The following MTHFD1L variants were observed in gnomAD, a reference collection of about 807,000 sequenced individuals.
The protein encoded by MTHFD1L is monofunctional C1-tetrahydrofolate synthase, mitochondrial.
MTHFD1L carries 81 observed loss-of-function variants against 119.5 expected under a neutral mutation model. That is an observed-to-expected ratio of 0.68 (90% CI 0.57 to 0.82). The LOEUF is 0.82. Among genes scored for constraint, MTHFD1L ranks in the 40% least tolerant of loss-of-function variants. The pLI is 0.00. For synonymous variants in MTHFD1L, 430 were observed against 475.2 expected, an observed-to-expected ratio of 0.90 and a Z score of 1.24; for missense variants, 1,125 against 1,253.4, an observed-to-expected ratio of 0.90 and a Z score of 1.55.
chr6:150,881,460 A>G (rs886118423), intron 4 of MTHFD1L, among the ~76,000 whole-genome samples: 10 of 152,170 alleles, frequency 6.6e-5, no homozygotes, highest in African/African-American at 2.4e-4. Context: ...GTATGGTGTT[A>G]TATTGAAAAA....
chr6:150,919,679 A>G (rs7742966), intron 9 of MTHFD1L, among the ~76,000 whole-genome samples: 13,811 of 152,100 alleles, frequency 0.091, 876 homozygotes, highest in African/African-American at 0.17. Context: ...GGTGCTATAT[A>G]CTTTTAAATG....
At chr6:150,870,120 G>A (rs1334413017) in intron 1 of MTHFD1L, among the ~76,000 whole-genome samples, 1 of 152,170 alleles carries the variant, frequency 6.6e-6, no homozygotes, top group Non-Finnish European at 1.5e-5. Flanking sequence ...AAATAACAAA[G>A]CTGCTGCTGA....
intron 7 of MTHFD1L, 146 bp from the exon 8 acceptor site, chr6:150,905,504 G>A (rs1785756517): frequency 1.6e-6 from 1 of 623,658 alleles, no homozygotes; most frequent in Non-Finnish European, 2.9e-6. Context: ...TGCTTGAAAG[G>A]AATTAGTAAA....
At chr6:151,005,419 T>C (rs2082013265) in intron 20 of MTHFD1L, among the ~76,000 whole-genome samples, 1 of 152,148 alleles carries the variant, frequency 6.6e-6, no homozygotes, top group Non-Finnish European at 1.5e-5. Flanking sequence ...CAGGACAGTT[T>C]TCAAACTGAG....
intron 21 of MTHFD1L, among the ~76,000 whole-genome samples, chr6:151,010,242 C>T (rs541620901): frequency 1.3e-5 from 2 of 152,262 alleles, no homozygotes; most frequent in Admixed American, 1.3e-4. Flanking sequence ...TGGAAAGGAG[C>T]ATAATGCAAC....
At chr6:150,962,236 C>T (rs758781303) in intron 18 of MTHFD1L, among the ~76,000 whole-genome samples, 7 of 152,028 alleles carry the variant, frequency 4.6e-5, no homozygotes, top group Non-Finnish European at 8.8e-5. Flanking sequence ...CTGCCCACCT[C>T]GACCTCCCAA....
intron 1 of MTHFD1L, among the ~76,000 whole-genome samples, chr6:150,872,620 A>G (rs1779727863): frequency 6.6e-6 from 1 of 152,162 alleles, no homozygotes; most frequent in South Asian, 2.1e-4. Context: ...CTAAAAATGA[A>G]AAAGTTTGAA....
rs138911005 is a variant in MTHFD1L, at chr6:151,067,483, C to G, written c.2848-24984C>G. 8.9e-4 allele frequency among the ~76,000 whole-genome samples: 135 copies of G among 152,048 alleles called. 1 individual carries two copies. The highest frequency in any genetic ancestry group is 3.4e-3 in the Middle Eastern group (1 of 294). On this transcript the variant is annotated intron_variant, in intron 26 of 27. Coordinates refer to ENST00000367321, the MANE Select transcript of MTHFD1L (RefSeq NM_015440.5). The stretch of plus-strand genomic sequence containing the variant: ...GGATTCCAGGTGTGCGCCACCACAC[C>G]CAGCTAATTTTTGTATTTTTAGTAG...
At chr6:150,900,084 A>G (rs181637699) in intron 7 of MTHFD1L, among the ~76,000 whole-genome samples, 6 of 151,666 alleles carry the variant, frequency 4.0e-5, no homozygotes, top group African/African-American at 1.4e-4. Flanking sequence ...GTCTGCCTGA[A>G]TGAAATCTCC....
At chr6:151,009,617 G>GCA (rs1781937389) in intron 20 of MTHFD1L, among the ~76,000 whole-genome samples, 1 of 152,160 alleles carries the variant, frequency 6.6e-6, no homozygotes, top group Non-Finnish European at 1.5e-5. Context: ...CAGGCCTGGC[G>GCA]GTGGGAAGCA....
At chr6:150,904,655 G>T (rs948580176) in intron 7 of MTHFD1L, among the ~76,000 whole-genome samples, 4 of 152,284 alleles carry the variant, frequency 2.6e-5, no homozygotes, top group Admixed American at 2.6e-4. Flanking sequence ...CAGTTGCTCA[G>T]TAGGGCCTGG....
intron 9 of MTHFD1L, among the ~76,000 whole-genome samples, chr6:150,919,236 C>A (rs569133470): frequency 1.3e-5 from 2 of 150,238 alleles, no homozygotes; most frequent in South Asian, 4.2e-4. Flanking sequence ...TCTTTTTTTT[C>A]CCCTTGGGAC....
intron 27 of MTHFD1L, among the ~76,000 whole-genome samples, chr6:151,095,677 G>T (rs969782693): frequency 3.9e-5 from 6 of 152,214 alleles, no homozygotes; most frequent in African/African-American, 1.2e-4. Flanking sequence ...AATGTATCGG[G>T]CATTGTGCTA....
At chr6:151,021,811 T>C (rs1783984500) in intron 24 of MTHFD1L, among the ~76,000 whole-genome samples, 1 of 152,232 alleles carries the variant, frequency 6.6e-6, no homozygotes, top group Non-Finnish European at 1.5e-5. Flanking sequence ...CTTAGTGATA[T>C]CATAAAACAT....
At chr6:151,018,059 C>G (rs955093175) in intron 24 of MTHFD1L, among the ~76,000 whole-genome samples, 3 of 152,090 alleles carry the variant, frequency 2.0e-5, no homozygotes, top group Non-Finnish European at 2.9e-5. Flanking sequence ...GCTCACTCTC[C>G]TCCTCAGATC....
At chr6:150,973,690 A>G (rs948044544) in intron 20 of MTHFD1L, among the ~76,000 whole-genome samples, 3 of 152,244 alleles carry the variant, frequency 2.0e-5, no homozygotes, top group African/African-American at 7.2e-5. Flanking sequence ...TAAACTGATG[A>G]TGTATGCAAA....
At chr6:151,033,645 A>G (rs983303426) in intron 24 of MTHFD1L, among the ~76,000 whole-genome samples, 1 of 152,180 alleles carries the variant, frequency 6.6e-6, no homozygotes, top group South Asian at 2.1e-4. Context: ...GTCTTCTCAC[A>G]TTTCTTCCAT....
At chr6:150,963,163 G>A (rs139788471) in intron 18 of MTHFD1L, among the ~76,000 whole-genome samples, 290 of 152,104 alleles carry the variant, frequency 1.9e-3, no homozygotes, top group African/African-American at 6.3e-3. Flanking sequence ...TGATCCACCC[G>A]CCTTGGCCTC....
intron 26 of MTHFD1L, among the ~76,000 whole-genome samples, chr6:151,069,782 G>A (rs1791753682): frequency 6.6e-6 from 1 of 152,184 alleles, no homozygotes; most frequent in East Asian, 1.9e-4. Flanking sequence ...CCATGTGACA[G>A]AGGGCCAGGT....
Sources: allele counts gnomAD v4.1 joint callset (sites outside exome capture counted in the v4.1 genomes callset), GRCh38; gene constraint gnomAD v4.1.1; transcripts MANE v1.5; gene names NCBI Gene and HGNC (gene_info 2026-07-23, HGNC 2026-07-21).